RTN3: variants seen among roughly 807,000 people sequenced by gnomAD.
RTN3 encodes the protein reticulon-3.
RTN3 carries 49 observed loss-of-function variants against 77.8 expected under a neutral mutation model. That is an observed-to-expected ratio of 0.63 (90% confidence interval 0.50 to 0.80). The LOEUF (loss-of-function observed/expected upper bound fraction) is 0.80. Ranked by LOEUF, RTN3 falls within the 30% of genes least tolerant of loss-of-function variation. RTN3 has a pLI of 0.00. For synonymous variants in RTN3, 464 were observed against 446.9 expected, an observed-to-expected ratio of 1.04 and a Z score of -0.48; for missense variants, 1,236 against 1,211.9, an observed-to-expected ratio of 1.02 and a Z score of -0.29.
At chr11:63,717,823 T>G (rs2011494517) in intron 2 of RTN3, among the ~76,000 whole-genome samples, 1 of 151,806 alleles carries the variant, frequency 6.6e-6, no homozygotes, top group Non-Finnish European at 1.5e-5. Flanking sequence ...GAGACCAGCC[T>G]GGCCAACATG....
rs544456972 is a variant in RTN3 at position 63,730,901 on chromosome 11, C to T, written c.2530+9869C>T. Among the ~76,000 whole-genome samples, 35 of 152,280 alleles carry T rather than the reference C, an allele frequency of 2.3e-4. No homozygotes were observed. The South Asian group carries it at 6.8e-3, about 30-fold the overall frequency. ...ACCTCTTTCTCAGCAATTAACTAGA[C>T]ACACCCAGGTATCTGAACAGTACAA... On this transcript the variant is annotated intron_variant, in intron 3 of 8. Transcript: ENST00000377819.
At chr11:63,706,861 G>T (rs987264217) in intron 2 of RTN3, among the ~76,000 whole-genome samples, 1 of 149,774 alleles carries the variant, frequency 6.7e-6, no homozygotes, top group Non-Finnish European at 1.5e-5. Context: ...TTAAGAATAC[G>T]TTCTAACCTT....
intron 6 of RTN3, 105 bp from the exon 7 acceptor site, chr11:63,753,557 G>A (rs887768082): frequency 4.0e-5 from 40 of 1,004,336 alleles, no homozygotes; most frequent in Non-Finnish European, 5.8e-5. Flanking sequence ...AGGAATGCCT[G>A]TGTTTTCCTG....
intron 1 of RTN3, among the ~76,000 whole-genome samples, chr11:63,694,290 C>T (rs1443872974): frequency 5.3e-5 from 8 of 151,900 alleles, no homozygotes; most frequent in African/African-American, 1.7e-4. Context: ...AATTCTCCTG[C>T]CTCAGCCTCC....
chr11:63,755,087 G>A (rs1313982523), intron 7 of RTN3, among the ~76,000 whole-genome samples: 1 of 151,546 alleles, frequency 6.6e-6, no homozygotes, highest in African/African-American at 2.4e-5. Context: ...ATTCTTTATG[G>A]ATTAAGTCAT....
intron 3 of RTN3, among the ~76,000 whole-genome samples, chr11:63,743,008 G>T (rs1565339358): frequency 6.6e-6 from 1 of 152,198 alleles, no homozygotes; most frequent in Non-Finnish European, 1.5e-5. Flanking sequence ...GGCTTCCCGA[G>T]TAGCTGGGAC....
At chr11:63,718,457 A>G (rs1460723540) in intron 2 of RTN3, among the ~76,000 whole-genome samples, 1 of 152,038 alleles carries the variant, frequency 6.6e-6, no homozygotes, top group African/African-American at 2.4e-5. Flanking sequence ...TTGTCATGAA[A>G]ATTTTTTATC....
intron 3 of RTN3, among the ~76,000 whole-genome samples, chr11:63,734,142 C>A (rs2012904754): frequency 2.0e-5 from 3 of 152,156 alleles, no homozygotes; most frequent in African/African-American, 7.2e-5. Flanking sequence ...TGAACACTTT[C>A]TCCTGAAGAT....
At chr11:63,688,233 T>TC (rs1941472880) in intron 1 of RTN3, among the ~76,000 whole-genome samples, 1 of 150,912 alleles carries the variant, frequency 6.6e-6, no homozygotes, top group African/African-American at 2.4e-5. Context: ...CTTTTTTTTT[T>TC]TTTTTTTTGA....
intron 3 of RTN3, among the ~76,000 whole-genome samples, chr11:63,740,794 C>G (rs980062337): frequency 6.6e-6 from 1 of 152,090 alleles, no homozygotes. Flanking sequence ...CTAACTTTAA[C>G]TTCAATTCTT....
intron 1 of RTN3, among the ~76,000 whole-genome samples, chr11:63,700,702 C>T (rs1340095521): frequency 3.3e-5 from 5 of 151,874 alleles, no homozygotes; most frequent in African/African-American, 1.2e-4. Context: ...CTCCTAGGCT[C>T]AAATGGTCCT....
intron 3 of RTN3, among the ~76,000 whole-genome samples, chr11:63,740,596 CT>C (rs1263505668): frequency 1.3e-5 from 2 of 149,938 alleles, no homozygotes; most frequent in African/African-American, 2.5e-5. Context: ...CGCGCCTGGC[CT>C]TTTTTTTTCT....
intron 3 of RTN3, among the ~76,000 whole-genome samples, chr11:63,730,950 G>C (rs940347570): frequency 6.6e-6 from 1 of 152,082 alleles, no homozygotes; most frequent in Non-Finnish European, 1.5e-5. Flanking sequence ...CTTAGATGGT[G>C]GTTATAGAAC....
At chr11:63,702,306 G>GT (rs972200888) in intron 1 of RTN3, among the ~76,000 whole-genome samples, 3 of 148,978 alleles carry the variant, frequency 2.0e-5, no homozygotes, top group Non-Finnish European at 3.0e-5. Flanking sequence ...GGTTTTTTTT[G>GT]TTTTTTTGTT....
intron 1 of RTN3, among the ~76,000 whole-genome samples, chr11:63,695,344 T>C (rs2134667525): frequency 6.6e-6 from 1 of 152,334 alleles, no homozygotes; most frequent in East Asian, 1.9e-4. Flanking sequence ...GGTCTGTTTT[T>C]ATAGTAGTTA....
In RTN3 at chr11:63,704,920, T is replaced by A; in HGVS notation, c.199+13T>A. ...TCGACCTCACAAGGCAAGTCTGTAA[T>A]TTTTTTGTGTGCATTGGTAAAAGAA... On this transcript the variant is annotated intron_variant, in intron 2 of 8. Coordinates refer to ENST00000377819, the MANE Select transcript of RTN3 (RefSeq NM_001265589.2). The A allele has an allele frequency of 6.3e-7, 1 of 1,594,726 alleles. No homozygotes were observed.
intron 1 of RTN3, among the ~76,000 whole-genome samples, chr11:63,704,636 A>T (rs925701766): frequency 4.6e-5 from 7 of 152,056 alleles, no homozygotes; most frequent in African/African-American, 1.7e-4. Flanking sequence ...AAAAAAAATG[A>T]ATGGATTAAC....
At position 63,720,158 on chromosome 11, in the gene RTN3, T is replaced by G; in HGVS notation, c.1656T>G (p.Ser552=). The G allele has an allele frequency of 6.2e-7, 1 of 1,613,944 alleles. No individual in the cohort carries two copies. Among genetic ancestry groups the G allele is most frequent in the Non-Finnish European group, 8.5e-7 (1 of 1,179,996 alleles). ...GTTGTGAGAGAGAAGAAAAAACATC[T>G]AAAAACTTTGAAGAATTGGTCAGTG... ...IPSCEREEKT[S]KNFEELVSDS... is the part of the protein sequence containing the mutation. The change falls in exon 3 of 9, where the codon TCT becomes TCG. Residue 552 remains serine (S), a synonymous_variant. Coordinates refer to ENST00000377819, the MANE Select transcript of RTN3 (RefSeq NM_001265589.2).
intron 2 of RTN3, among the ~76,000 whole-genome samples, chr11:63,718,239 A>AT (rs1270579773): frequency 6.6e-6 from 1 of 152,180 alleles, no homozygotes; most frequent in Non-Finnish European, 1.5e-5. Flanking sequence ...AGACTAACAG[A>AT]TTTATAGAGG....
Sources: allele counts gnomAD v4.1 joint callset (sites outside exome capture counted in the v4.1 genomes callset), GRCh38; gene constraint gnomAD v4.1.1; transcripts MANE v1.5; gene names NCBI Gene and HGNC (gene_info 2026-07-23, HGNC 2026-07-21).